The following ADAMTS6 variants were observed in gnomAD, a reference collection of about 807,000 sequenced individuals.
ADAMTS6 encodes A disintegrin and metalloproteinase with thrombospondin motifs 6.
Under a neutral mutation model 144.3 loss-of-function variants are expected in ADAMTS6, and 23 were observed. The ratio of observed to expected loss-of-function variants is 0.16; its 90% CI spans 0.11 to 0.23. The LOEUF is 0.23. Among genes scored for constraint, ADAMTS6 ranks in the 10% least tolerant of loss-of-function variants. ADAMTS6 has a pLI of 1.00. For synonymous variants in ADAMTS6, 444 were observed against 457.5 expected (o/e 0.97, Z 0.38); for missense variants, 999 against 1,379.6 (o/e 0.72, Z 4.37).
intron 11 of ADAMTS6, among the ~76,000 whole-genome samples, chr5:65,284,860 C>T (rs1763244828): frequency 6.6e-6 from 1 of 152,062 alleles, no homozygotes; most frequent in Admixed American, 6.6e-5. Flanking sequence ...AATCTTAAAT[C>T]AAAATTATGG....
chr5:65,206,699 C>CAAAAAAAAAAAA (rs11296295), intron 20 of ADAMTS6, among the ~76,000 whole-genome samples: 1 of 77,890 alleles, frequency 1.3e-5, no homozygotes, highest in Non-Finnish European at 2.4e-5. Flanking sequence ...GACTCCATCT[C>CAAAAAAAAAAAA]AAAAAAAAAA....
chr5:65,339,125 A>C (rs1747584372), intron 7 of ADAMTS6, among the ~76,000 whole-genome samples: 1 of 151,922 alleles, frequency 6.6e-6, no homozygotes, highest in South Asian at 2.1e-4. Context: ...TAGCCAACCC[A>C]CCATGTGCAT....
chr5:65,470,961 G>T lies in ADAMTS6; in HGVS notation c.279C>A (p.Gly93=), dbSNP rs754363918. Residue 93 remains glycine (G), a synonymous_variant, in exon 3 of 25, where the codon GGC becomes GGA. Coordinates refer to ENST00000381055, the MANE Select transcript of ADAMTS6 (RefSeq NM_197941.4). Reference sequence around the variant, plus strand: ...GAGTCAAGTTTAGATGAAAGTGCTTGCCATAGGCTGAAAGTTTAAAAAATA... The same window carrying T: ...GAGTCAAGTTTAGATGAAAGTGCTTTCCATAGGCTGAAAGTTTAAAAAATA... ...SKLFFKLSAY[G]KHFHLNLTLN... is the part of the protein sequence containing the mutation. 2 of 1,612,934 alleles carry T rather than the reference G, an allele frequency of 1.2e-6. No homozygotes were observed. The highest frequency in any genetic ancestry group is 1.7e-6 in the Non-Finnish European group (2 of 1,179,554).
chr5:65,193,063 G>A (rs943229081), intron 21 of ADAMTS6, among the ~76,000 whole-genome samples: 5 of 152,038 alleles, frequency 3.3e-5, no homozygotes, highest in African/African-American at 1.2e-4. Context: ...TTGAAAATAA[G>A]TATAGATCCC....
At chr5:65,200,514 T>G (rs745960104) in intron 20 of ADAMTS6, among the ~76,000 whole-genome samples, 3 of 152,196 alleles carry the variant, frequency 2.0e-5, no homozygotes, top group Admixed American at 6.5e-5. Flanking sequence ...CCACGATGCT[T>G]TCAAATCTAA....
chr5:65,300,283 T>A, intron 9 of ADAMTS6, 152 bp from the exon 10 acceptor site: 1 of 652,694 alleles, frequency 1.5e-6, no homozygotes, highest in Non-Finnish European at 2.6e-6. Context: ...GGATTAAAAT[T>A]AAAGAGACTA....
chr5:65,300,179 C>A, intron 9 of ADAMTS6, 48 bp from the exon 10 acceptor site: 2 of 1,550,822 alleles, frequency 1.3e-6, no homozygotes, highest in Non-Finnish European at 1.8e-6. Flanking sequence ...AGAAAAAAAC[C>A]CCAACACATC....
At chr5:65,218,924 T>C (rs1425517522) in intron 18 of ADAMTS6, among the ~76,000 whole-genome samples, 2 of 152,196 alleles carry the variant, frequency 1.3e-5, no homozygotes, top group East Asian at 1.9e-4. Context: ...CAATGTATTA[T>C]GATAAATTAA....
intron 7 of ADAMTS6, among the ~76,000 whole-genome samples, chr5:65,425,771 T>TC (rs1019674459): frequency 6.6e-6 from 1 of 152,040 alleles, no homozygotes; most frequent in African/African-American, 2.4e-5. Flanking sequence ...CTGCTTCTTT[T>TC]TTTTTTTTTT....
chr5:65,423,955 AAT>A (rs1282366244), intron 7 of ADAMTS6, among the ~76,000 whole-genome samples: 2 of 152,182 alleles, frequency 1.3e-5, no homozygotes, highest in East Asian at 3.8e-4. Context: ...TATTTATCTT[AAT>A]TTTTTTCTTT....
intron 7 of ADAMTS6, among the ~76,000 whole-genome samples, chr5:65,369,829 G>A (rs1486097947): frequency 8.6e-5 from 13 of 152,010 alleles, no homozygotes; most frequent in Admixed American, 8.5e-4. Flanking sequence ...TTCTCTTGCT[G>A]TGATTAATTC....
At chr5:65,286,588 C>T (rs1260150078) in intron 11 of ADAMTS6, among the ~76,000 whole-genome samples, 1 of 152,134 alleles carries the variant, frequency 6.6e-6, no homozygotes, top group Non-Finnish European at 1.5e-5. Context: ...ATTTTGTGGT[C>T]TTAAATCTAC....
chr5:65,459,468 C>G (rs1759486375), intron 4 of ADAMTS6, among the ~76,000 whole-genome samples: 1 of 152,144 alleles, frequency 6.6e-6, no homozygotes, highest in Non-Finnish European at 1.5e-5. Flanking sequence ...TCACCTTTAT[C>G]CCTCCAGCCC....
chr5:65,268,688 C>A (rs1021058027), intron 12 of ADAMTS6, among the ~76,000 whole-genome samples: 4 of 152,222 alleles, frequency 2.6e-5, no homozygotes, highest in East Asian at 1.9e-4. Context: ...CGATGTCAGA[C>A]CCCCCAGGAC....
chr5:65,260,433 G>A (rs1312981941), intron 14 of ADAMTS6, among the ~76,000 whole-genome samples, 167 bp downstream of exon 14: 1 of 151,956 alleles, frequency 6.6e-6, no homozygotes, highest in Non-Finnish European at 1.5e-5. Context: ...CCTTATTAAT[G>A]GAATTGATGG....
At chr5:65,250,127 G>C (rs532560097) in intron 14 of ADAMTS6, among the ~76,000 whole-genome samples, 25 of 152,300 alleles carry the variant, frequency 1.6e-4, no homozygotes, top group African/African-American at 5.3e-4. Flanking sequence ...CTTCAGAAAA[G>C]TGATTTGAAG....
intron 24 of ADAMTS6, among the ~76,000 whole-genome samples, chr5:65,160,309 CTT>C (rs796848986): frequency 3.8e-4 from 53 of 139,304 alleles, no homozygotes; most frequent in Admixed American, 4.3e-4. Context: ...CTCCGACTTT[CTT>C]TTTTTTTTTT....
In ADAMTS6 at chr5:65,474,325, C is replaced by T. The variant is rs142316814; in HGVS notation, c.-279-373G>A. ...GTGACAAACAATATGTAATCCCATT[C>T]CATAACATGCCTTTTAAACACACTC... On this transcript the variant is annotated intron_variant, in intron 1 of 24. Transcript: ENST00000381055. Among the ~76,000 whole-genome samples the T allele has an allele frequency of 5.8e-4, 89 of 152,202 alleles. No individual in the cohort carries two copies. The East Asian group carries it at 0.015, about 26-fold the overall frequency.
chr5:65,423,430 A>G (rs1384153915), intron 7 of ADAMTS6, among the ~76,000 whole-genome samples: 1 of 152,204 alleles, frequency 6.6e-6, no homozygotes, highest in African/African-American at 2.4e-5. Flanking sequence ...ATTTTCATTA[A>G]TAGTAATAAG....
Sources: allele counts gnomAD v4.1 joint callset (sites outside exome capture counted in the v4.1 genomes callset), GRCh38; gene constraint gnomAD v4.1.1; transcripts MANE v1.5; gene names NCBI Gene and HGNC (gene_info 2026-07-23, HGNC 2026-07-21).